The following RNF212 variants were observed in gnomAD, a reference collection of about 807,000 sequenced individuals.
RNF212 encodes the protein ring finger protein 212.
Under a neutral mutation model 34.7 loss-of-function variants are expected in RNF212, and 33 were observed. The ratio of observed to expected loss-of-function variants is 0.95; its 90% CI spans 0.72 to 1.27. The LOEUF is 1.27. RNF212 is among the 50% of genes most tolerant of loss of function. RNF212 has a pLI of 0.00. For missense variants in RNF212, 377 were observed against 362.2 expected (o/e 1.04, Z -0.33); for synonymous variants, 140 against 136.1 (o/e 1.03, Z -0.20).
At chr4:1,112,741 T>G (rs1187973153) in intron 1 of RNF212, among the ~76,000 whole-genome samples, 1 of 46,210 alleles carries the variant, frequency 2.2e-5, no homozygotes, top group Non-Finnish European at 4.0e-5. Flanking sequence ...CCACGGCCCC[T>G]TCCTGCCTGC....
At chr4:1,069,906 A>G (rs577655502), downstream of RNF212, among the ~76,000 whole-genome samples, 1 of 152,378 alleles carries the variant, frequency 6.6e-6, no homozygotes, top group South Asian at 2.1e-4. Flanking sequence ...ACCAGAGGAG[A>G]AGAAAAACTC....
At chr4:1,105,199 G>A (rs753969971) in intron 2 of RNF212, among the ~76,000 whole-genome samples, 7 of 152,132 alleles carry the variant, frequency 4.6e-5, no homozygotes, top group East Asian at 3.9e-4. Context: ...TCCTTTCCAC[G>A]TGTGTGTGTA....
At chr4:1,065,316 G>A (rs745791872) in intron 3 of RNF212, among the ~76,000 whole-genome samples, 1 of 152,178 alleles carries the variant, frequency 6.6e-6, no homozygotes, top group Non-Finnish European at 1.5e-5. Flanking sequence ...TTTTAAAAAT[G>A]ATTACAATAA....
chr4:1,064,690 T>G (rs7669399), intron 3 of RNF212, among the ~76,000 whole-genome samples: 120,799 of 151,792 alleles, frequency 0.8, 48,537 homozygotes, highest in African/African-American at 0.89. Flanking sequence ...AGTGTACAGT[T>G]CACTGGTATT....
intron 4 of RNF212, chr4:1,058,311 G>GGTTA (rs1560086855): frequency 1.1e-6 from 1 of 921,498 alleles, no homozygotes. Flanking sequence ...TGCTTGCGGG[G>GGTTA]GGGCACTACC....
At chr4:1,086,089 A>C in intron 4 of RNF212, 135 bp from the exon 5 acceptor site, 1 of 704,266 alleles carries the variant, frequency 1.4e-6, no homozygotes, top group Non-Finnish European at 2.5e-6. Flanking sequence ...TCAGGAGTAA[A>C]TCTGCCTGGA....
At chr4:1,063,969 TG>T (rs936341065) in intron 3 of RNF212, among the ~76,000 whole-genome samples, 2 of 151,144 alleles carry the variant, frequency 1.3e-5, no homozygotes, top group African/African-American at 4.9e-5. Flanking sequence ...ACCAAGAAAA[TG>T]TATCTTCAGT....
downstream of RNF212, among the ~76,000 whole-genome samples, chr4:1,070,121 T>TA (rs1159554171): frequency 6.6e-6 from 1 of 150,638 alleles, no homozygotes; most frequent in East Asian, 2.0e-4. Flanking sequence ...CGTGGACGCC[T>TA]GGCCTGAGTT....
chr4:1,086,272 C>A (rs574897169), intron 4 of RNF212, among the ~76,000 whole-genome samples: 294 of 152,164 alleles, frequency 1.9e-3, no homozygotes, highest in Non-Finnish European at 3.6e-3. Flanking sequence ...ACACAAGCAC[C>A]TTCCATACAC....
chr4:1,098,144 C>G (rs1723351869), intron 2 of RNF212, among the ~76,000 whole-genome samples: 1 of 151,764 alleles, frequency 6.6e-6, no homozygotes, highest in Admixed American at 6.6e-5. Context: ...TAGGAAGAAC[C>G]TCATGCCTCC....
intron 3 of RNF212, chr4:1,093,750 AAGGGGACTTGGTGTGAATG>A (rs1341457202): frequency 1.2e-5 from 18 of 1,536,134 alleles, no homozygotes; most frequent in Non-Finnish European, 1.6e-5. Flanking sequence ...TTCTGGCCCC[AAGGGGACTTGGTGTGAATG>A]AGGGTCCTGC....
chr4:1,056,358 G>C (rs1352927029), exon 5 of RNF212: 2 of 173,376 alleles, frequency 1.2e-5, no homozygotes, highest in African/African-American at 4.8e-5. Context: ...TGGGCACGAA[G>C]GCTGGAGGAC....
At position 1,085,877 on chromosome 4, in the gene RNF212, G is replaced by C. The variant is rs374307132; in HGVS notation, c.362+19C>G. ...GTGGGTGCCTCGACTGCGCACTCAC[G>C]GGGGGTGGGGCGCCTTACCTTTGTA... On this transcript the variant is annotated intron_variant, in intron 5 of 9. Coordinates refer to ENST00000433731, the MANE Select transcript of RNF212 (RefSeq NM_001131034.4). 2.1e-5 allele frequency: 34 copies of C among 1,588,958 alleles called. 1 individual carries two copies. The South Asian group carries it at 3.5e-4, about 17-fold the overall frequency.
chr4:1,102,170 A>C (rs945229944), intron 2 of RNF212, among the ~76,000 whole-genome samples: 1 of 152,232 alleles, frequency 6.6e-6, no homozygotes, highest in African/African-American at 2.4e-5. Flanking sequence ...AAATCCAGAC[A>C]AAAAGGAAAT....
intron 3 of RNF212, among the ~76,000 whole-genome samples, chr4:1,062,358 C>A (rs1717804554): frequency 6.6e-6 from 1 of 152,160 alleles, no homozygotes; most frequent in Non-Finnish European, 1.5e-5. Context: ...TTAATATATT[C>A]TATCAATGGA....
At chr4:1,075,370 C>T (rs977577532) in intron 8 of RNF212, among the ~76,000 whole-genome samples, 1 of 152,250 alleles carries the variant, frequency 6.6e-6, no homozygotes, top group Non-Finnish European at 1.5e-5. Flanking sequence ...GTACAGGAAG[C>T]ATGGCAACAG....
chr4:1,073,419 T>A (rs1192923155), intron 9 of RNF212, among the ~76,000 whole-genome samples, 180 bp downstream of exon 9: 1 of 152,054 alleles, frequency 6.6e-6, no homozygotes, highest in Non-Finnish European at 1.5e-5. Flanking sequence ...ATCAGGAGCT[T>A]CTCCCTGGAA....
chr4:1,065,877 G>C (rs888057442), intron 3 of RNF212, among the ~76,000 whole-genome samples: 2 of 151,120 alleles, frequency 1.3e-5, no homozygotes, highest in Non-Finnish European at 3.0e-5. Flanking sequence ...TCCGTGCCCG[G>C]CCTGTTTTTG....
chr4:1,082,877 T>C (rs1720575517), intron 5 of RNF212, among the ~76,000 whole-genome samples: 1 of 152,210 alleles, frequency 6.6e-6, no homozygotes, highest in Non-Finnish European at 1.5e-5. Context: ...CTGGCTCCTC[T>C]GAAGGGCACT....
Sources: gnomAD v4.1 joint callset for allele counts (sites outside exome capture counted in the v4.1 genomes callset) on GRCh38, gnomAD v4.1.1 for gene constraint, MANE v1.5 for transcripts, NCBI Gene and HGNC (gene_info 2026-07-23, HGNC 2026-07-21) for gene names.